Variants in PITPNM2 observed in about 807,000 individuals in gnomAD.
PITPNM2 encodes membrane-associated phosphatidylinositol transfer protein 2.
Under a neutral mutation model 132.2 loss-of-function variants are expected in PITPNM2, and 35 were observed. The ratio of observed to expected loss-of-function variants is 0.26; its 90% confidence interval spans 0.20 to 0.35. The LOEUF is 0.35. Ranked by LOEUF, PITPNM2 falls within the 10% of genes least tolerant of loss-of-function variation. The probability of loss-of-function intolerance (pLI) is 1.00; values close to 1 mark genes in which losing one functional copy is unlikely to be tolerated. For synonymous variants in PITPNM2, 738 were observed against 799.2 expected (o/e 0.92, Z 1.29); for missense variants, 1,332 against 1,912.0 (o/e 0.70, Z 5.66).
intron 2 of PITPNM2, among the ~76,000 whole-genome samples, chr12:123,044,021 C>G (rs1421542198): frequency 6.6e-6 from 1 of 152,244 alleles, no homozygotes; most frequent in Non-Finnish European, 1.5e-5. Flanking sequence ...GCTACTACCA[C>G]CACCACACTG....
At position 123,150,462 on chromosome 12, in the gene PITPNM2, G is replaced by A. The variant is rs950171224; in HGVS notation, c.-200+291C>T. Reference sequence around the variant, plus strand: ...TGTCCCTGGCGGGGGTCCCCCACGCGGTCGCGACCGACGGAAATTCGGAAA... The same window carrying A: ...TGTCCCTGGCGGGGGTCCCCCACGCAGTCGCGACCGACGGAAATTCGGAAA... On this transcript the variant is annotated intron_variant, in intron 1 of 25. Transcript: ENST00000320201. The surrounding 1 kb of genome is among the most constrained non-coding windows in gnomAD (Gnocchi z 6.0). 2.0e-5 allele frequency among the ~76,000 whole-genome samples: 3 copies of A among 152,094 alleles called. No homozygotes were observed. Among genetic ancestry groups the A allele is most frequent in the Non-Finnish European group, 4.4e-5 (3 of 68,018 alleles).
In PITPNM2 at chr12:123,077,126, C is replaced by A. The variant is rs934439831; in HGVS notation, c.-96+33259G>T. ...ACCCACTGGGCAGCAGGCTTGAAATCCTGCCTGACCAAACTGTGCCGAGGG... is the reference window on the plus strand; with the variant it reads ...ACCCACTGGGCAGCAGGCTTGAAATACTGCCTGACCAAACTGTGCCGAGGG... On this transcript the variant is annotated intron_variant, in intron 2 of 25. Transcript: ENST00000320201. This position sits in a 1 kb window ranked among gnomAD's most constrained non-coding sequence, Gnocchi z 4.8. Among the ~76,000 whole-genome samples the A allele has an allele frequency of 1.3e-5, 2 of 152,166 alleles. No homozygotes were observed. Among genetic ancestry groups the A allele is most frequent in the Non-Finnish European group, 2.9e-5 (2 of 68,024 alleles).
intron 3 of PITPNM2, among the ~76,000 whole-genome samples, chr12:123,029,116 C>T (rs1280424140): frequency 2.6e-5 from 4 of 152,182 alleles, no homozygotes; most frequent in Admixed American, 6.5e-5. Flanking sequence ...TGGTCCTCTC[C>T]GCCTGCCAGG....
Position 123,150,858 on chromosome 12 carries a change from C to T in PITPNM2, c.-305G>A, listed in dbSNP as rs900454554. Among the ~76,000 whole-genome samples the T allele has an allele frequency of 2.5e-4, 37 of 146,044 alleles. No homozygotes were observed. The highest frequency in any genetic ancestry group is 9.0e-4 in the African/African-American group (37 of 40,894). ...CGCCCGCCCCGCGGCCCCGGCCCGG[C>T]CGGCTGCGCCCCGCGCGCCCCCGCC... On this transcript the variant is annotated 5_prime_UTR_variant, in exon 1 of 26. Transcript: ENST00000320201. This position sits in a 1 kb window ranked among gnomAD's most constrained non-coding sequence, Gnocchi z 6.0.
At position 123,104,275 on chromosome 12, in the gene PITPNM2, C is replaced by G. The variant is rs372505502; in HGVS notation, c.-96+6110G>C. Among the ~76,000 whole-genome samples, 73 of 152,340 alleles carry G rather than the reference C, an allele frequency of 4.8e-4. No homozygotes were observed. The South Asian group carries it at 0.014, about 30-fold the overall frequency. ...CATCTGGGGCCCAACAGGCTCGCAG[C>G]CCCCACACACCCGCTGCCTCTCCCT... On this transcript the variant is annotated intron_variant, in intron 2 of 25. Coordinates refer to ENST00000320201, the MANE Select transcript of PITPNM2 (RefSeq NM_020845.3).
chr12:123,007,787 G>C (rs2039004928), intron 6 of PITPNM2, among the ~76,000 whole-genome samples: 1 of 152,078 alleles, frequency 6.6e-6, no homozygotes, highest in African/African-American at 2.4e-5. Context: ...CCTCCTCCTG[G>C]GGTGACCGGA....
At chr12:123,127,530 C>T (rs2043165126) in intron 1 of PITPNM2, among the ~76,000 whole-genome samples, 1 of 152,164 alleles carries the variant, frequency 6.6e-6, no homozygotes, top group South Asian at 2.1e-4. Context: ...CTTTGAAAAC[C>T]TAAGACAACG....
At chr12:123,133,379 T>C (rs1350355189) in intron 1 of PITPNM2, among the ~76,000 whole-genome samples, 1 of 152,162 alleles carries the variant, frequency 6.6e-6, no homozygotes, top group African/African-American at 2.4e-5. Context: ...GAAAATCCAA[T>C]TCTAGTTCCA....
intron 2 of PITPNM2, among the ~76,000 whole-genome samples, chr12:123,047,688 A>C (rs1264825257): frequency 1.3e-5 from 2 of 152,198 alleles, no homozygotes; most frequent in Non-Finnish European, 2.9e-5. Context: ...CAGGGGACCA[A>C]GACAGGCCTC....
rs372505502 is a variant in PITPNM2 at position 123,104,275 on chromosome 12, C to A, written c.-96+6110G>T. On this transcript the variant is annotated intron_variant, in intron 2 of 25. Transcript: ENST00000320201. ...CATCTGGGGCCCAACAGGCTCGCAG[C>A]CCCCACACACCCGCTGCCTCTCCCT... Among the ~76,000 whole-genome samples, 5 of 152,222 alleles carry A rather than the reference C, an allele frequency of 3.3e-5. No individual in the cohort carries two copies. The East Asian group carries it at 9.6e-4, about 29-fold the overall frequency.
chr12:123,086,453 A>G (rs909799246), intron 2 of PITPNM2, among the ~76,000 whole-genome samples: 1 of 152,212 alleles, frequency 6.6e-6, no homozygotes, highest in Non-Finnish European at 1.5e-5. Flanking sequence ...GTAAATGGTA[A>G]TGATACATGG....
chr12:123,012,769 C>A, intron 4 of PITPNM2, 35 bp from the exon 5 acceptor site: 2 of 1,609,526 alleles, frequency 1.2e-6, no homozygotes, highest in Non-Finnish European at 1.7e-6. Context: ...CAGGACCTGT[C>A]CTTGGAGAGG....
chr12:123,112,732 G>T (rs2042865196), intron 1 of PITPNM2, among the ~76,000 whole-genome samples: 1 of 151,968 alleles, frequency 6.6e-6, no homozygotes, highest in African/African-American at 2.4e-5. Flanking sequence ...TAGAGACGGG[G>T]TTTCACCATG....
Position 122,985,745 on chromosome 12 carries a change from ATGTC to A in PITPNM2, c.*278_*281del, listed in dbSNP as rs1482374601. 7.4e-5 allele frequency: 26 copies of A among 353,412 alleles called. No homozygotes were observed. The highest frequency in any genetic ancestry group is 2.4e-4 in the Admixed American group (5 of 20,722). 21.9% of individuals were successfully genotyped at this position (353,412 alleles called of 1,614,324 possible). Reference sequence around the variant, plus strand: ...CACTTGGAGATCCACACAGGGCAAAATGTCTGGGAGAACCTCCCGGGCCAGTCTG... The same window carrying A: ...CACTTGGAGATCCACACAGGGCAAAATGGGAGAACCTCCCGGGCCAGTCTG... On this transcript the variant is annotated 3_prime_UTR_variant, in exon 26 of 26. Transcript: ENST00000320201.
At chr12:123,131,969 A>C (rs2043272462) in intron 1 of PITPNM2, among the ~76,000 whole-genome samples, 1 of 152,224 alleles carries the variant, frequency 6.6e-6, no homozygotes, top group African/African-American at 2.4e-5. Flanking sequence ...ATCCCACAAC[A>C]TGTCCGTGGC....
chr12:123,115,189 G>C (rs1593024109), intron 1 of PITPNM2, among the ~76,000 whole-genome samples: 2 of 152,306 alleles, frequency 1.3e-5, no homozygotes. Flanking sequence ...GCCTTGGGCA[G>C]GCTGGCTGGC....
At chr12:123,122,173 T>A (rs559800859) in intron 1 of PITPNM2, among the ~76,000 whole-genome samples, 44 of 152,272 alleles carry the variant, frequency 2.9e-4, no homozygotes, top group Non-Finnish European at 5.6e-4. Flanking sequence ...TTAGAAATGA[T>A]GTCAATTGGC....
intron 2 of PITPNM2, among the ~76,000 whole-genome samples, chr12:123,062,519 A>G (rs2041274566): frequency 6.6e-6 from 1 of 152,140 alleles, no homozygotes; most frequent in Admixed American, 6.5e-5. Flanking sequence ...GAGGCTATTT[A>G]CCAGCAAAAA....
rs1270448908 is a variant in PITPNM2 at position 123,004,273 on chromosome 12, T to C, written c.1048+121A>G. The stretch of plus-strand genomic sequence containing the variant: ...CCTGGGACAGTGCAGGTATAGGGAC[T>C]GGATATAGAATAGTAACAGGCAACA... On this transcript the variant is annotated intron_variant, in intron 8 of 25. Transcript: ENST00000320201. The surrounding 1 kb of genome is among the most constrained non-coding windows in gnomAD (Gnocchi z 4.9). The C allele has an allele frequency of 1.1e-6, 1 of 883,292 alleles. No individual in the cohort carries two copies. Among genetic ancestry groups the C allele is most frequent in the African/African-American group, 1.6e-5 (1 of 60,746 alleles). The allele number at this position is 883,292 out of a possible 1,614,324, so 54.7% of individuals were successfully genotyped here.
Sources: gnomAD v4.1 joint callset for allele counts (sites outside exome capture counted in the v4.1 genomes callset) on GRCh38, gnomAD v4.1.1 for gene constraint, Gnocchi (gnomAD v3.1) non-coding constraint, MANE v1.5 for transcripts, NCBI Gene and HGNC (gene_info 2026-07-23, HGNC 2026-07-21) for gene names.